The following EPHA5 variants were observed in gnomAD, a reference collection of about 807,000 sequenced individuals.
EPHA5 encodes ephrin type-A receptor 5.
Under a neutral mutation model 105.0 loss-of-function variants are expected in EPHA5, and 60 were observed. That is an observed-to-expected ratio of 0.57 (90% CI 0.46 to 0.71). The LOEUF (loss-of-function observed/expected upper bound fraction) is 0.71, where lower values mean the gene tolerates loss of function less well. EPHA5 is among the 30% of genes least tolerant of loss of function. The pLI, the probability that EPHA5 is intolerant of heterozygous loss-of-function variation, is 0.00. For synonymous variants in EPHA5, 513 were observed against 449.1 expected, an observed-to-expected ratio of 1.14 and a Z score of -1.80; for missense variants, 1,218 against 1,274.7, an observed-to-expected ratio of 0.96 and a Z score of 0.68.
At chr4:65,325,502 AT>A (rs1157314014) in intron 16 of EPHA5, among the ~76,000 whole-genome samples, 31 of 151,360 alleles carry the variant, frequency 2.0e-4, no homozygotes, top group African/African-American at 7.5e-4. Context: ...TGATGGAAAC[AT>A]ATTTGTTTTT....
At chr4:65,556,678 T>C (rs1400875448) in intron 3 of EPHA5, among the ~76,000 whole-genome samples, 2 of 152,180 alleles carry the variant, frequency 1.3e-5, no homozygotes, top group Non-Finnish European at 2.9e-5. Context: ...ATTGTTTTAG[T>C]GTTAATGCTA....
At chr4:65,482,221 CCAGGAGGCGGAGGTTA>C (rs59071186) in intron 5 of EPHA5, among the ~76,000 whole-genome samples, 19,229 of 151,054 alleles carry the variant, frequency 0.13, 1,756 homozygotes, top group East Asian at 0.4. Context: ...GTGCTTGAAC[CCAGGAGGCGGAGGTTA>C]CAGTGAGCCA....
At chr4:65,350,979 T>C (rs1038068170) in intron 13 of EPHA5, among the ~76,000 whole-genome samples, 1 of 151,666 alleles carries the variant, frequency 6.6e-6, no homozygotes, top group East Asian at 2.0e-4. Flanking sequence ...CCAATAATAT[T>C]ATACATGTTT....
chr4:65,494,427 T>C lies in EPHA5; in HGVS notation c.1066+961A>G, dbSNP rs553860257. 5.9e-5 allele frequency among the ~76,000 whole-genome samples: 9 copies of C among 152,318 alleles called. No homozygotes were observed. The East Asian group carries it at 1.5e-3, about 26-fold the overall frequency. On this transcript the variant is annotated intron_variant, in intron 4 of 16. Coordinates refer to ENST00000613740, the MANE Select transcript of EPHA5 (RefSeq NM_001281766.3). ...TAAAATAGTAAATCCAGGCAGTTCA[T>C]GGAAATTAAACAATATGAGGAGAGA... is the stretch of plus-strand genomic sequence containing the variant.
chr4:65,551,280 G>GTGTGTGTA (rs1247855503), intron 3 of EPHA5, among the ~76,000 whole-genome samples: 4 of 140,896 alleles, frequency 2.8e-5, no homozygotes, highest in Admixed American at 7.1e-5. Flanking sequence ...GTGTGTGTGT[G>GTGTGTGTA]TATATATATA....
At chr4:65,591,455 AAT>A (rs1365071984) in intron 3 of EPHA5, among the ~76,000 whole-genome samples, 4 of 151,868 alleles carry the variant, frequency 2.6e-5, no homozygotes, top group African/African-American at 9.7e-5. Flanking sequence ...CTATTTAAAA[AAT>A]AGTTTTCTGT....
chr4:65,520,745 A>C (rs1210141920), intron 3 of EPHA5, among the ~76,000 whole-genome samples: 2 of 152,222 alleles, frequency 1.3e-5, no homozygotes, highest in African/African-American at 4.8e-5. Flanking sequence ...AAAAGAAGAC[A>C]TTTATGCAGC....
chr4:65,523,379 G>C (rs1385572970), intron 3 of EPHA5, among the ~76,000 whole-genome samples: 3 of 151,868 alleles, frequency 2.0e-5, no homozygotes, highest in Non-Finnish European at 4.4e-5. Flanking sequence ...TTTTCACTCG[G>C]TTTGATATTT....
intron 3 of EPHA5, among the ~76,000 whole-genome samples, chr4:65,532,002 C>T (rs1053194067): frequency 3.9e-5 from 6 of 152,134 alleles, no homozygotes; most frequent in South Asian, 2.1e-4. Flanking sequence ...ATATTATTTT[C>T]GTCAGTTTTA....
intron 1 of EPHA5, among the ~76,000 whole-genome samples, chr4:65,645,374 CA>C (rs1351853150): frequency 6.6e-6 from 1 of 151,536 alleles, no homozygotes; most frequent in Non-Finnish European, 1.5e-5. Flanking sequence ...CAAAGTAGAG[CA>C]AATCAGCAAA....
chr4:65,368,695 A>G (rs112710497), intron 8 of EPHA5, among the ~76,000 whole-genome samples: 1 of 152,180 alleles, frequency 6.6e-6, no homozygotes, highest in Non-Finnish European at 1.5e-5. Flanking sequence ...TTTCTATTGC[A>G]TTACCTATCT....
intron 15 of EPHA5, among the ~76,000 whole-genome samples, chr4:65,333,331 C>T (rs1720825139): frequency 6.6e-6 from 1 of 151,656 alleles, no homozygotes; most frequent in Admixed American, 6.6e-5. Context: ...TTCTTCAAAA[C>T]CAATTTTATA....
intron 5 of EPHA5, among the ~76,000 whole-genome samples, chr4:65,486,921 G>A (rs911409198): frequency 6.6e-6 from 1 of 152,186 alleles, no homozygotes; most frequent in African/African-American, 2.4e-5. Flanking sequence ...CTTGAGAACA[G>A]CATATCCTTG....
At chr4:65,591,196 C>T (rs925463753) in intron 3 of EPHA5, among the ~76,000 whole-genome samples, 6 of 152,030 alleles carry the variant, frequency 3.9e-5, no homozygotes, top group African/African-American at 1.4e-4. Flanking sequence ...AGGATCATTG[C>T]ATTTCACTTA....
rs10022980 is a variant in EPHA5, at chr4:65,431,224, A to G, written c.1403-10659T>C. ...CTGTGGATTTTGAGAAATGCCCTGC[A>G]TGCTAAATGCAAATTCAATTTTCTC... On this transcript the variant is annotated intron_variant, in intron 5 of 16. Coordinates refer to ENST00000613740, the MANE Select transcript of EPHA5 (RefSeq NM_001281766.3). Among the ~76,000 whole-genome samples, 1,054 of 152,296 alleles carry G rather than the reference A, an allele frequency of 6.9e-3. 15 individuals carry two copies. The highest frequency in any genetic ancestry group is 0.024 in the African/African-American group (1,016 of 41,556).
chr4:65,593,744 T>A (rs971158365), intron 3 of EPHA5, among the ~76,000 whole-genome samples: 2 of 152,188 alleles, frequency 1.3e-5, no homozygotes. Flanking sequence ...ATTTACCAAA[T>A]GATAGAGTGA....
At chr4:65,479,302 A>G (rs1440325592) in intron 5 of EPHA5, among the ~76,000 whole-genome samples, 1 of 152,192 alleles carries the variant, frequency 6.6e-6, no homozygotes, top group Non-Finnish European at 1.5e-5. Context: ...TACTCAAATC[A>G]AAAAGCTAGT....
intron 1 of EPHA5, among the ~76,000 whole-genome samples, chr4:65,653,809 CGTT>C (rs1248760674): frequency 2.6e-5 from 4 of 151,990 alleles, no homozygotes; most frequent in Middle Eastern, 3.4e-3. Flanking sequence ...TTGTGGCAGA[CGTT>C]GTTTTATGCT....
chr4:65,554,671 C>T (rs115645063), intron 3 of EPHA5, among the ~76,000 whole-genome samples: 1,868 of 151,606 alleles, frequency 0.012, 18 homozygotes, highest in South Asian at 0.02. Context: ...TGTGTGTGGC[C>T]AATGAATGTC....
Sources: gnomAD v4.1 joint callset for allele counts (sites outside exome capture counted in the v4.1 genomes callset) on GRCh38, gnomAD v4.1.1 for gene constraint, MANE v1.5 for transcripts, NCBI Gene and HGNC (gene_info 2026-07-23, HGNC 2026-07-21) for gene names.